The following ACAN variants were observed in gnomAD, a reference collection of about 807,000 sequenced individuals.
The protein encoded by ACAN is aggrecan core protein.
In ACAN, 47 loss-of-function variants were observed where a neutral mutation model predicts 169.1. The ratio of observed to expected loss-of-function variants is 0.28; its 90% CI spans 0.22 to 0.35. ACAN has a LOEUF of 0.35. Ranked by LOEUF, ACAN falls within the 10% of genes least tolerant of loss-of-function variation. ACAN has a pLI of 1.00. For synonymous variants in ACAN, 1,115 were observed against 1,112.2 expected (o/e 1.00, Z -0.05); for missense variants, 2,716 against 2,759.9 (o/e 0.98, Z 0.36).
intron 12 of ACAN, among the ~76,000 whole-genome samples, chr15:88,859,728 C>T (rs141549089): frequency 1.4e-4 from 21 of 152,296 alleles, no homozygotes; most frequent in African/African-American, 4.1e-4. Context: ...AGTTACAGTC[C>T]GTGAGTTTTT....
Position 88,849,888 on chromosome 15 carries a change from G to A in ACAN, c.2026+157G>A, listed in dbSNP as rs780707161. The A allele has an allele frequency of 6.1e-5, 66 of 1,079,472 alleles. No homozygotes were observed. The highest frequency in any genetic ancestry group is 8.8e-5 in the Non-Finnish European group (64 of 727,600). 66.9% of individuals were successfully genotyped at this position (1,079,472 alleles called of 1,614,324 possible). On this transcript the variant is annotated intron_variant, in intron 10 of 18. Coordinates refer to ENST00000560601, the MANE Select transcript of ACAN (RefSeq NM_001369268.1). The surrounding 1 kb of genome is among the most constrained non-coding windows in gnomAD (Gnocchi z 5.1). ...CAGCTCTGAAACCAGCACAACGCAGGCTTTGACCCCAAGGCAAGGTCATCC... is the reference window on the plus strand; with the variant it reads ...CAGCTCTGAAACCAGCACAACGCAGACTTTGACCCCAAGGCAAGGTCATCC...
chr15:88,834,843 G>A (rs146495208), intron 1 of ACAN, among the ~76,000 whole-genome samples: 3 of 152,194 alleles, frequency 2.0e-5, no homozygotes, highest in Admixed American at 2.0e-4. Flanking sequence ...CTGAGGTCCA[G>A]GCTGAAGCCC....
intron 4 of ACAN, among the ~76,000 whole-genome samples, chr15:88,840,454 T>G (rs1896624309): frequency 6.6e-6 from 1 of 152,246 alleles, no homozygotes; most frequent in African/African-American, 2.4e-5. Flanking sequence ...TACCCATTTT[T>G]TTCTTTGCCA....
At chr15:88,804,277 G>T (rs1295105975) in intron 1 of ACAN, among the ~76,000 whole-genome samples, 1 of 152,176 alleles carries the variant, frequency 6.6e-6, no homozygotes, top group Non-Finnish European at 1.5e-5. Flanking sequence ...CCTTCGCGGG[G>T]TCTGGAAGAA....
intron 1 of ACAN, among the ~76,000 whole-genome samples, chr15:88,831,145 A>G (rs1896351927): frequency 6.6e-6 from 1 of 152,328 alleles, no homozygotes; most frequent in Admixed American, 6.5e-5. Context: ...CGAACACAAA[A>G]TTTGAAAGAG....
chr15:88,836,960 C>G (rs74911642), intron 2 of ACAN, among the ~76,000 whole-genome samples: 4 of 152,192 alleles, frequency 2.6e-5, no homozygotes, highest in African/African-American at 9.6e-5. Flanking sequence ...AGCCTCAACC[C>G]TCTCCAAAGG....
At chr15:88,815,123 C>T (rs1051707831) in intron 1 of ACAN, among the ~76,000 whole-genome samples, 1 of 151,898 alleles carries the variant, frequency 6.6e-6, no homozygotes, top group Non-Finnish European at 1.5e-5. Flanking sequence ...AAGGGAGGAT[C>T]TGGAATATGG....
intron 4 of ACAN, among the ~76,000 whole-genome samples, chr15:88,841,405 A>G (rs1046078758): frequency 2.6e-5 from 4 of 152,206 alleles, no homozygotes; most frequent in Non-Finnish European, 5.9e-5. Context: ...CCATTTGCAT[A>G]TCTGTGGGTG....
chr15:88,871,992 C>A lies in ACAN; in HGVS notation c.7220-11C>A, dbSNP rs1048060347. The A allele has an allele frequency of 3.1e-6, 5 of 1,612,772 alleles. No individual in the cohort carries two copies. The East Asian group carries it at 8.9e-5, about 29-fold the overall frequency. On this transcript the variant is annotated splice_polypyrimidine_tract_variant and intron_variant, in intron 15 of 18. Transcript: ENST00000560601. This position sits in a 1 kb window ranked among gnomAD's most constrained non-coding sequence, Gnocchi z 7.8. The stretch of plus-strand genomic sequence containing the variant: ...CCAGTGTGATGCCTGACACCCTCAC[C>A]CTTTCCCCAGACAATGCCCAAGACT...
At position 88,841,935 on chromosome 15, in the gene ACAN, C is replaced by T. The variant is rs550857995; in HGVS notation, c.757+68C>T. On this transcript the variant is annotated intron_variant, in intron 5 of 18. Coordinates refer to ENST00000560601, the MANE Select transcript of ACAN (RefSeq NM_001369268.1). ...AAGGCCACCTTCCCCTCCCCATCTCCCCACTGACACCTGAGATCACACAGG... is the reference window on the plus strand; with the variant it reads ...AAGGCCACCTTCCCCTCCCCATCTCTCCACTGACACCTGAGATCACACAGG... The T allele has an allele frequency of 5.0e-6, 8 of 1,592,178 alleles. No individual in the cohort carries two copies. In the African/African-American group the frequency reaches 1.1e-4, roughly 21 times the overall value.
chr15:88,863,331 G>T (rs1400701135), intron 13 of ACAN, among the ~76,000 whole-genome samples: 1 of 152,174 alleles, frequency 6.6e-6, no homozygotes, highest in Non-Finnish European at 1.5e-5. Context: ...TTAGGCTTCA[G>T]ACTCTAAGGT....
At chr15:88,844,821 C>G (rs181049086) in intron 6 of ACAN, among the ~76,000 whole-genome samples, 1 of 152,282 alleles carries the variant, frequency 6.6e-6, no homozygotes, top group East Asian at 1.9e-4. Context: ...GAGGAAAAAA[C>G]AATGCCTCAC....
In ACAN at chr15:88,839,009, C is replaced by T. The variant is rs375073497; in HGVS notation, c.417C>T (p.Ile139=). The part of the protein sequence containing the change: ...GVYRCEVMHG[I]EDSEATLEVV... ...ACCGCTGCGAGGTGATGCATGGCAT[C>T]GAGGACAGCGAGGCCACCCTGGAAG... is the stretch of plus-strand genomic sequence containing the variant. Residue 139 remains isoleucine (I), a synonymous_variant, in exon 3 of 19, where the codon ATC becomes ATT. Transcript: ENST00000560601. This position sits in a 1 kb window ranked among gnomAD's most constrained non-coding sequence, Gnocchi z 4.5. 4.5e-5 allele frequency: 73 copies of T among 1,607,798 alleles called. No homozygotes were observed. The African/African-American group carries it at 7.3e-4, about 16-fold the overall frequency.
chr15:88,806,239 T>C (rs921913571), intron 1 of ACAN, among the ~76,000 whole-genome samples: 2 of 152,168 alleles, frequency 1.3e-5, no homozygotes, highest in Non-Finnish European at 2.9e-5. Flanking sequence ...TTAATTCCTC[T>C]CCTCTAACAG....
chr15:88,826,820 T>A (rs917087772), intron 1 of ACAN, among the ~76,000 whole-genome samples: 8 of 152,154 alleles, frequency 5.3e-5, no homozygotes, highest in Non-Finnish European at 8.8e-5. Flanking sequence ...TGTCTCCCCC[T>A]TGAAATGTGT....
rs1469339475 is a variant in ACAN, at chr15:88,857,338, G to A, written c.4753G>A (p.Asp1585Asn). The change falls in exon 12 of 19, where the codon GAC becomes AAC. Residue 1585 changes from aspartate (D) to asparagine (N), a missense_variant. Coordinates refer to ENST00000560601, the MANE Select transcript of ACAN (RefSeq NM_001369268.1). ...AGAGACTTCAGCTTCTGGAGCTGAG[G>A]ACCTCAGTGGGTTGCCTTCTGGAAA... Reference protein sequence around the residue: ...GLETSASGAEDLSGLPSGKED... With the variant: ...GLETSASGAENLSGLPSGKED... The A allele has an allele frequency of 1.2e-6, 2 of 1,613,968 alleles. No homozygotes were observed. Among genetic ancestry groups the A allele is most frequent in the African/African-American group, 1.3e-5 (1 of 75,056 alleles).
rs759647045 is a variant in ACAN at position 88,859,242 on chromosome 15, G to C, written c.6657G>C (p.Glu2219Asp). 6.2e-7 allele frequency: 1 copy of C among 1,613,922 alleles called. No individual in the cohort carries two copies. Among genetic ancestry groups the C allele is most frequent in the South Asian group, 1.1e-5 (1 of 91,076 alleles). The change falls in exon 12 of 19, where the codon GAG (glutamate) becomes GAC (aspartate). Residue 2219 changes from glutamate to aspartate, a missense_variant. By Grantham distance (45) the Glu-to-Asp change is conservative. Transcript: ENST00000560601. The part of the protein sequence containing the change: ...LGVVISTSIP[E>D]SEWTQQTQRP... ...TTGTCATCAGCACCAGCATCCCAGA[G>C]TCTGAGTGGACCCAGCAGACCCAGC...
At position 88,838,782 on chromosome 15, in the gene ACAN, C is replaced by T. The variant is rs1178817726; in HGVS notation, c.190C>T (p.Pro64Ser). The T allele has an allele frequency of 1.2e-6, 2 of 1,613,902 alleles. No individual in the cohort carries two copies. The highest frequency in any genetic ancestry group is 1.3e-5 in the African/African-American group (1 of 74,924). ...IDPMHPVTTA[P>S]STAPLAPRIK... The stretch of plus-strand genomic sequence containing the variant: ...CCCCATGCACCCTGTGACCACCGCC[C>T]CTTCTACCGCCCCACTGGCCCCAAG... The change falls in exon 3 of 19, where the codon CCT (proline) becomes TCT (serine). Residue 64 changes from proline to serine, a missense_variant. By Grantham distance (74) the Pro-to-Ser change is moderately conservative. Around this residue, in one of 3 missense-constraint regions of ACAN, gnomAD observed 1,283 missense variants for 1,281.5 expected, o/e 1.00. Coordinates refer to ENST00000560601, the MANE Select transcript of ACAN (RefSeq NM_001369268.1). This position sits in a 1 kb window ranked among gnomAD's most constrained non-coding sequence, Gnocchi z 5.1.
rs541297805 is a variant in ACAN, at chr15:88,873,227, G to A, written c.7447+202G>A. ...CAGGGCCAATGGCAAGGGCAAGCTCGCTGCCAGGGACCGTTTGCAGGGACA... is the reference window on the plus strand; with the variant it reads ...CAGGGCCAATGGCAAGGGCAAGCTCACTGCCAGGGACCGTTTGCAGGGACA... On this transcript the variant is annotated intron_variant, in intron 17 of 18. Coordinates refer to ENST00000560601, the MANE Select transcript of ACAN (RefSeq NM_001369268.1). The surrounding 1 kb of genome is among the most constrained non-coding windows in gnomAD (Gnocchi z 7.5). Among the ~76,000 whole-genome samples the A allele has an allele frequency of 1.3e-4, 20 of 152,296 alleles. 1 individual carries two copies. Among genetic ancestry groups the A allele is most frequent in the Middle Eastern group, 6.8e-3 (2 of 294 alleles).
Sources: allele counts gnomAD v4.1 joint callset (sites outside exome capture counted in the v4.1 genomes callset), GRCh38; gene constraint gnomAD v4.1.1; regional missense constraint gnomAD v4.1.1; non-coding constraint Gnocchi (gnomAD v3.1); transcripts MANE v1.5; gene names NCBI Gene and HGNC (gene_info 2026-07-23, HGNC 2026-07-21).